The following ZCCHC7 variants were observed in gnomAD, a reference collection of about 807,000 sequenced individuals.
The protein encoded by ZCCHC7 is zinc finger CCHC-type containing 7, also known as zinc finger CCHC domain-containing protein 7.
In ZCCHC7, 35 loss-of-function variants were observed where a neutral mutation model predicts 52.0. The ratio of observed to expected loss-of-function variants is 0.67; its 90% CI spans 0.51 to 0.89. ZCCHC7 has a LOEUF of 0.89. ZCCHC7 is among the 40% of genes least tolerant of loss of function. ZCCHC7 has a pLI of 0.00. For synonymous variants in ZCCHC7, 217 were observed against 221.5 expected (o/e 0.98, Z 0.18); for missense variants, 574 against 649.1 (o/e 0.88, Z 1.26).
intron 2 of ZCCHC7, among the ~76,000 whole-genome samples, chr9:37,230,202 G>A (rs933265460): frequency 2.3e-4 from 35 of 152,274 alleles, no homozygotes; most frequent in African/African-American, 8.4e-4. Context: ...AAAAAGTATA[G>A]TAAATAAATA....
At chr9:37,187,800 A>T (rs570095407) in intron 2 of ZCCHC7, among the ~76,000 whole-genome samples, 261 of 150,078 alleles carry the variant, frequency 1.7e-3, no homozygotes, top group Admixed American at 4.4e-3. Context: ...TTTTTTTTTT[A>T]AATTTTCGAT....
chr9:37,245,652 G>A (rs1480993252), intron 2 of ZCCHC7, among the ~76,000 whole-genome samples: 4 of 151,906 alleles, frequency 2.6e-5, no homozygotes, highest in African/African-American at 4.8e-5. Context: ...TCATGGGGAC[G>A]TCTAGGACTC....
At chr9:37,279,412 A>T (rs1367098809) in intron 2 of ZCCHC7, among the ~76,000 whole-genome samples, 1 of 149,378 alleles carries the variant, frequency 6.7e-6, no homozygotes, top group African/African-American at 2.5e-5. Flanking sequence ...CAGACACTTA[A>T]AAAAAAAAGA....
chr9:37,216,753 A>G (rs1824529177), intron 2 of ZCCHC7, among the ~76,000 whole-genome samples: 1 of 152,202 alleles, frequency 6.6e-6, no homozygotes, highest in Non-Finnish European at 1.5e-5. Context: ...TAATGTTGAC[A>G]TAAAATTTTC....
At chr9:37,259,468 T>A (rs77467775) in intron 2 of ZCCHC7, among the ~76,000 whole-genome samples, 7,647 of 152,218 alleles carry the variant, frequency 0.05, 629 homozygotes, top group African/African-American at 0.17. Context: ...GTCAATTATG[T>A]TTGGCAAATG....
chr9:37,264,771 G>A (rs1827024164), intron 2 of ZCCHC7, among the ~76,000 whole-genome samples: 1 of 152,132 alleles, frequency 6.6e-6, no homozygotes, highest in Non-Finnish European at 1.5e-5. Flanking sequence ...TATTGCTTAG[G>A]CAACCTTCTG....
At position 37,255,791 on chromosome 9, in the gene ZCCHC7, A is replaced by G. The variant is rs1826559884; in HGVS notation, c.611-46397A>G. 6.6e-5 allele frequency among the ~76,000 whole-genome samples: 10 copies of G among 152,242 alleles called. No homozygotes were observed. In the South Asian group the frequency reaches 2.1e-3, roughly 32 times the overall value. On this transcript the variant is annotated intron_variant, in intron 2 of 8. Transcript: ENST00000336755. ...CTTTGTCTTGATTCACTTTATCAAA[A>G]TGGGACTATAGATGACTTGTGGTAG...
intron 2 of ZCCHC7, among the ~76,000 whole-genome samples, chr9:37,133,409 CT>C (rs142623966): frequency 0.2 from 29,102 of 145,094 alleles, 3,174 homozygotes; most frequent in African/African-American, 0.28. Flanking sequence ...CAGTCTTGCT[CT>C]TGTCACCCAG....
chr9:37,337,804 G>T (rs1298718962), intron 6 of ZCCHC7, among the ~76,000 whole-genome samples: 1 of 152,112 alleles, frequency 6.6e-6, no homozygotes, highest in Non-Finnish European at 1.5e-5. Context: ...CTTCAGAAGA[G>T]CATTTATGTT....
rs769042301 is a variant in ZCCHC7 at position 37,356,859 on chromosome 9, C to T, written c.1223C>T (p.Pro408Leu). The T allele has an allele frequency of 2.1e-5, 33 of 1,603,458 alleles. No individual in the cohort carries two copies. Among genetic ancestry groups the T allele is most frequent in the Middle Eastern group, 3.3e-4 (2 of 6,016 alleles). ...IKVLKKNGVI[P>L]EPSKLPYIKA... Reference sequence around the variant, plus strand: ...GTACTCAAGAAAAATGGGGTTATCCCAGAGCCATCCAAGCTACCTTATATA... The same window carrying T: ...GTACTCAAGAAAAATGGGGTTATCCTAGAGCCATCCAAGCTACCTTATATA... Residue 408 changes from proline to leucine, a missense_variant, in exon 9 of 9, where the codon CCA becomes CTA. Pro to Leu is a moderately conservative substitution (Grantham distance 98, BLOSUM62 -3). This residue lies in a region of ZCCHC7 where 168 missense variants were observed against 171.6 expected (regional missense o/e 0.98). Transcript: ENST00000336755.
rs76183950 is a variant in ZCCHC7 at position 37,260,988 on chromosome 9, G to A, written c.611-41200G>A. Among the ~76,000 whole-genome samples the A allele has an allele frequency of 5.3e-3, 802 of 151,954 alleles. 1 individual carries two copies. Among genetic ancestry groups the A allele is most frequent in the Non-Finnish European group, 7.4e-3 (503 of 67,966 alleles). On this transcript the variant is annotated intron_variant, in intron 2 of 8. Transcript: ENST00000336755. ...ATTTCTGATCTTTTTTTGTTTGTTC[G>A]TTTGTTTTTTGGTTGAAGGAAAGGG...
At chr9:37,323,685 A>T (rs528351361) in intron 5 of ZCCHC7, among the ~76,000 whole-genome samples, 17 of 152,310 alleles carry the variant, frequency 1.1e-4, no homozygotes, top group Middle Eastern at 3.4e-3. Context: ...GTATATTTCT[A>T]TGATTTCAGA....
At chr9:37,332,875 ATT>A (rs1160342595) in intron 6 of ZCCHC7, among the ~76,000 whole-genome samples, 1 of 151,646 alleles carries the variant, frequency 6.6e-6, no homozygotes. Context: ...TTCCTCAGAT[ATT>A]TAGAAATTGT....
chr9:37,121,655 A>G (rs1842321107), intron 1 of ZCCHC7: 2 of 152,248 alleles, frequency 1.3e-5, no homozygotes, highest in African/African-American at 2.4e-5. Context: ...GGATTATATT[A>G]ATATGATAAT....
chr9:37,337,036 A>C (rs1830701444), intron 6 of ZCCHC7, among the ~76,000 whole-genome samples: 1 of 152,286 alleles, frequency 6.6e-6, no homozygotes, highest in African/African-American at 2.4e-5. Flanking sequence ...TGAGAGGATT[A>C]TTTAACCTTT....
At chr9:37,121,767 C>A (rs1454020484) in intron 1 of ZCCHC7, 1 of 152,130 alleles carries the variant, frequency 6.6e-6, no homozygotes, top group Non-Finnish European at 1.5e-5. Flanking sequence ...ATATATATAT[C>A]CCAAGAAGAG....
chr9:37,265,321 C>T (rs933972079), intron 2 of ZCCHC7, among the ~76,000 whole-genome samples: 10 of 152,048 alleles, frequency 6.6e-5, no homozygotes, highest in African/African-American at 2.4e-4. Context: ...GTATTCTTTA[C>T]TTCCTAGGAT....
At chr9:37,263,116 GT>G (rs1200445044) in intron 2 of ZCCHC7, among the ~76,000 whole-genome samples, 2 of 151,902 alleles carry the variant, frequency 1.3e-5, no homozygotes, top group Non-Finnish European at 2.9e-5. Context: ...CAGTGCTTAT[GT>G]TTTTATTTTT....
At chr9:37,212,152 C>G (rs1040278882) in intron 2 of ZCCHC7, among the ~76,000 whole-genome samples, 3 of 148,654 alleles carry the variant, frequency 2.0e-5, no homozygotes, top group Non-Finnish European at 4.4e-5. Context: ...TTGTTACAAC[C>G]TAGTGGCAGC....
Sources: allele counts gnomAD v4.1 joint callset (sites outside exome capture counted in the v4.1 genomes callset), GRCh38; gene constraint gnomAD v4.1.1; regional missense constraint gnomAD v4.1.1; transcripts MANE v1.5; gene names NCBI Gene and HGNC (gene_info 2026-07-23, HGNC 2026-07-21).